Variants in TPRG1 observed in about 807,000 individuals in gnomAD.
The protein encoded by TPRG1 is tumor protein p63 regulated 1, also known as tumor protein p63-regulated gene 1 protein.
In TPRG1, 29 loss-of-function variants were observed where a neutral mutation model predicts 29.3. The observed-to-expected ratio is 0.99, with a 90% confidence interval of 0.74 to 1.35. The LOEUF (loss-of-function observed/expected upper bound fraction) is 1.35. Ranked by LOEUF, TPRG1 falls within the 40% of genes most tolerant of loss-of-function variation. The pLI, the probability that TPRG1 is intolerant of heterozygous loss-of-function variation, is 0.00. For missense variants in TPRG1, 327 were observed against 335.0 expected, an observed-to-expected ratio of 0.98 and a Z score of 0.19; for synonymous variants, 130 against 116.8, an observed-to-expected ratio of 1.11 and a Z score of -0.73.
At chr3:188,997,275 C>T (rs907279281) in intron 1 of TPRG1, among the ~76,000 whole-genome samples, 2 of 152,018 alleles carry the variant, frequency 1.3e-5, no homozygotes, top group Non-Finnish European at 2.9e-5. Flanking sequence ...CAAGATTTGA[C>T]ATAGGTAGAA....
At chr3:189,280,588 A>G (rs946626868) in intron 4 of TPRG1, among the ~76,000 whole-genome samples, 13 of 152,150 alleles carry the variant, frequency 8.5e-5, no homozygotes, top group East Asian at 3.9e-4. Flanking sequence ...AACAGGACCA[A>G]TGGAAACCTA....
intron 4 of TPRG1, among the ~76,000 whole-genome samples, chr3:189,093,599 G>A (rs967955056): frequency 1.3e-5 from 2 of 152,122 alleles, no homozygotes; most frequent in African/African-American, 2.4e-5. Context: ...TTGGAACCTG[G>A]TTTGAATTTG....
rs547939212 is a variant in TPRG1, at chr3:189,114,013, A to C, written c.-743-13044A>C. 2.6e-5 allele frequency among the ~76,000 whole-genome samples: 4 copies of C among 152,290 alleles called. No individual in the cohort carries two copies. The South Asian group carries it at 6.2e-4, about 24-fold the overall frequency. ...AATTGGTATTATTTCTTGGTCAAGA[A>C]TTTTTTGCGTTGAAAAGAAAAGCCA... On this transcript the variant is annotated intron_variant, in intron 1 of 6. Transcript: ENST00000412373.
At chr3:189,135,131 C>T in intron 3 of TPRG1, among the ~76,000 whole-genome samples, 1 of 151,502 alleles carries the variant, frequency 6.6e-6, no homozygotes, top group South Asian at 2.1e-4. Context: ...AACTTGGATG[C>T]AGTCAGTAGC....
chr3:189,164,001 A>G (rs1007017070), intron 5 of TPRG1, among the ~76,000 whole-genome samples: 11 of 152,160 alleles, frequency 7.2e-5, no homozygotes, highest in Non-Finnish European at 2.9e-5. Context: ...TAATAAACAA[A>G]TAAATAAGAC....
chr3:189,203,667 G>A (rs186232549), intron 1 of TPRG1, among the ~76,000 whole-genome samples: 4 of 152,242 alleles, frequency 2.6e-5, no homozygotes, highest in Admixed American at 6.5e-5. Context: ...CTCAGAATAA[G>A]CAATTAATAT....
At chr3:189,162,499 T>C (rs991781003) in intron 5 of TPRG1, among the ~76,000 whole-genome samples, 1 of 152,184 alleles carries the variant, frequency 6.6e-6, no homozygotes, top group African/African-American at 2.4e-5. Flanking sequence ...ATTGAAAGCT[T>C]TTTTGAACAG....
chr3:189,159,871 G>GTGTGT (rs1727243002), intron 5 of TPRG1, among the ~76,000 whole-genome samples: 1 of 110,290 alleles, frequency 9.1e-6, no homozygotes, highest in Non-Finnish European at 2.2e-5. Context: ...TGTGTGTGGT[G>GTGTGT]GTGGGGGTAG....
chr3:189,074,472 G>C (rs931262709), intron 4 of TPRG1, among the ~76,000 whole-genome samples: 1 of 151,878 alleles, frequency 6.6e-6, no homozygotes, highest in Non-Finnish European at 1.5e-5. Context: ...CCCAAGTGCT[G>C]GGATTACAGG....
chr3:189,083,468 G>A (rs1717738478), intron 4 of TPRG1, among the ~76,000 whole-genome samples: 1 of 152,196 alleles, frequency 6.6e-6, no homozygotes, highest in Admixed American at 6.5e-5. Context: ...GGGACCCCAG[G>A]AACCACTGGA....
chr3:189,023,459 C>T (rs762748683), intron 3 of TPRG1, among the ~76,000 whole-genome samples: 8 of 152,274 alleles, frequency 5.3e-5, no homozygotes, highest in East Asian at 1.9e-4. Flanking sequence ...TTTAACTTAG[C>T]GAAGTTTGTT....
intron 4 of TPRG1, among the ~76,000 whole-genome samples, chr3:189,279,181 A>G (rs1716673982): frequency 6.6e-6 from 1 of 152,336 alleles, no homozygotes; most frequent in East Asian, 1.9e-4. Flanking sequence ...TTTATTTACA[A>G]TAACAGGCAA....
chr3:189,095,168 A>G (rs1385786944), upstream of TPRG1, among the ~76,000 whole-genome samples: 1 of 152,136 alleles, frequency 6.6e-6, no homozygotes, highest in African/African-American at 2.4e-5. Context: ...TGTTCTGAGT[A>G]CCTGCAAGGC....
intron 1 of TPRG1, among the ~76,000 whole-genome samples, chr3:189,192,690 T>C (rs772878472): frequency 1.3e-5 from 2 of 152,222 alleles, no homozygotes; most frequent in Non-Finnish European, 2.9e-5. Context: ...TCTTTTATTG[T>C]CTATCATTGT....
intron 4 of TPRG1, among the ~76,000 whole-genome samples, chr3:189,040,683 A>T (rs1309250871): frequency 6.6e-6 from 1 of 152,044 alleles, no homozygotes; most frequent in East Asian, 1.9e-4. Context: ...CCAACCTTGT[A>T]CCATTGTCTG....
intron 3 of TPRG1, among the ~76,000 whole-genome samples, chr3:189,216,738 T>A (rs1021551252): frequency 1.3e-5 from 2 of 152,214 alleles, no homozygotes; most frequent in African/African-American, 4.8e-5. Flanking sequence ...CTGGGTTACC[T>A]CTAATGAAAA....
chr3:189,291,092 G>A (rs138687883), intron 4 of TPRG1, among the ~76,000 whole-genome samples: 242 of 151,904 alleles, frequency 1.6e-3, no homozygotes, highest in African/African-American at 5.4e-3. Context: ...TAGTAGAGAC[G>A]GGGTTTCACC....
intron 4 of TPRG1, 91 bp downstream of exon 4, chr3:189,239,000 T>A: frequency 8.6e-7 from 1 of 1,156,308 alleles, no homozygotes; most frequent in South Asian, 1.6e-5. Context: ...CCCTGTAAAC[T>A]GGGAGAACCC....
intron 4 of TPRG1, among the ~76,000 whole-genome samples, chr3:189,282,553 TTCTC>T (rs763291286): frequency 1.8e-4 from 27 of 152,300 alleles, no homozygotes; most frequent in Non-Finnish European, 2.6e-4. Context: ...TCGTTCTCTC[TTCTC>T]TCTCTGTCTT....
Sources: gnomAD v4.1 joint callset for allele counts (sites outside exome capture counted in the v4.1 genomes callset) on GRCh38, gnomAD v4.1.1 for gene constraint, MANE v1.5 for transcripts, NCBI Gene and HGNC (gene_info 2026-07-23, HGNC 2026-07-21) for gene names.